Variants in SLC2A13 observed in about 807,000 individuals in gnomAD.
The protein encoded by SLC2A13 is proton myo-inositol cotransporter.
In SLC2A13, 32 loss-of-function variants were observed where a neutral mutation model predicts 64.4. The observed-to-expected ratio is 0.50, with a 90% CI of 0.37 to 0.67. SLC2A13 has a LOEUF of 0.67. Ranked by LOEUF, SLC2A13 falls within the 30% of genes least tolerant of loss-of-function variation. The pLI, the probability that SLC2A13 is intolerant of heterozygous loss-of-function variation, is 0.00. For synonymous variants in SLC2A13, 338 were observed against 327.1 expected, an observed-to-expected ratio of 1.03 and a Z score of -0.36; for missense variants, 743 against 829.2, an observed-to-expected ratio of 0.90 and a Z score of 1.28.
Position 39,759,889 on chromosome 12 carries a change from C to T in SLC2A13, c.*137G>A. 1.6e-6 allele frequency: 1 copy of T among 621,436 alleles called. No homozygotes were observed. Among genetic ancestry groups the T allele is most frequent in the East Asian group, 2.8e-5 (1 of 36,124 alleles). 38.5% of individuals were successfully genotyped at this position (621,436 alleles called of 1,614,324 possible). A position where few individuals can be genotyped will look rare whatever the true frequency, so the allele number is the denominator to read the frequency against. On this transcript the variant is annotated 3_prime_UTR_variant, in exon 10 of 10. Transcript: ENST00000280871. ...ATCATGGTTGTATCTTCCTCCTAAT[C>T]AAGTATTCTAGAATATGAAGTCAAT...
At chr12:39,985,123 G>T (rs1947005136) in intron 3 of SLC2A13, among the ~76,000 whole-genome samples, 1 of 152,016 alleles carries the variant, frequency 6.6e-6, no homozygotes, top group Admixed American at 6.6e-5. Flanking sequence ...TTCACAATCT[G>T]GAAAATTACA....
intron 1 of SLC2A13, among the ~76,000 whole-genome samples, chr12:40,092,470 T>C (rs1027490496): frequency 6.6e-6 from 1 of 152,212 alleles, no homozygotes; most frequent in Admixed American, 6.5e-5. Context: ...ATTATGGTAC[T>C]TATTTTTTAA....
chr12:40,099,836 ATAAATCCAATAC>A (rs937676883), intron 1 of SLC2A13, among the ~76,000 whole-genome samples: 1 of 152,156 alleles, frequency 6.6e-6, no homozygotes, highest in Non-Finnish European at 1.5e-5. Flanking sequence ...AGTAGGAAGC[ATAAATCCAATAC>A]AGAATTCCTG....
At chr12:40,085,434 C>T (rs997425283) in intron 1 of SLC2A13, among the ~76,000 whole-genome samples, 1 of 152,096 alleles carries the variant, frequency 6.6e-6, no homozygotes, top group African/African-American at 2.4e-5. Context: ...GTGCCCTCAA[C>T]CTGTGGAATC....
chr12:39,866,998 C>A (rs1203600518), intron 5 of SLC2A13, among the ~76,000 whole-genome samples: 1 of 152,106 alleles, frequency 6.6e-6, no homozygotes, highest in African/African-American at 2.4e-5. Context: ...AAAATTCAAA[C>A]CAGAACTAGG....
chr12:39,937,528 T>A (rs945284942), intron 4 of SLC2A13, among the ~76,000 whole-genome samples: 1 of 152,178 alleles, frequency 6.6e-6, no homozygotes, highest in Non-Finnish European at 1.5e-5. Flanking sequence ...CTATTTCAAC[T>A]CATTAACAGC....
intron 4 of SLC2A13, among the ~76,000 whole-genome samples, chr12:39,903,946 A>C (rs2136024122): frequency 6.6e-6 from 1 of 152,242 alleles, no homozygotes; most frequent in South Asian, 2.1e-4. Context: ...AAAGAACAAC[A>C]GACAGGATAC....
intron 7 of SLC2A13, among the ~76,000 whole-genome samples, chr12:39,777,732 G>A (rs1173569999): frequency 6.6e-6 from 1 of 152,228 alleles, no homozygotes; most frequent in African/African-American, 2.4e-5. Flanking sequence ...ACAGGCATCG[G>A]CATGCCAGCA....
intron 2 of SLC2A13, among the ~76,000 whole-genome samples, chr12:40,035,186 G>A (rs1947961710): frequency 6.6e-6 from 1 of 152,106 alleles, no homozygotes; most frequent in African/African-American, 2.4e-5. Context: ...TTTACTGAAA[G>A]ATCTCTATCC....
intron 9 of SLC2A13, among the ~76,000 whole-genome samples, chr12:39,760,901 A>G (rs1476623495): frequency 1.6e-5 from 2 of 126,264 alleles, no homozygotes; most frequent in Non-Finnish European, 3.5e-5. Context: ...GGACTTTTAA[A>G]ATAATTGAAT....
At chr12:39,827,406 T>C (rs141616743) in intron 7 of SLC2A13, among the ~76,000 whole-genome samples, 1,620 of 152,302 alleles carry the variant, frequency 0.011, 16 homozygotes, top group Middle Eastern at 0.044. Flanking sequence ...AGAACCTGGA[T>C]AGTGCTTTGT....
intron 4 of SLC2A13, among the ~76,000 whole-genome samples, chr12:39,877,397 C>T (rs1234210052): frequency 6.6e-6 from 1 of 152,084 alleles, no homozygotes; most frequent in Non-Finnish European, 1.5e-5. Flanking sequence ...GAATTGGAAC[C>T]CCCCCTCCAT....
chr12:39,788,441 A>G (rs1941266374), intron 7 of SLC2A13: 2 of 152,182 alleles, frequency 1.3e-5, no homozygotes, highest in South Asian at 4.1e-4. Context: ...GACAGCATGG[A>G]TATACTGGAC....
intron 4 of SLC2A13, among the ~76,000 whole-genome samples, chr12:39,901,937 C>G (rs1367313347): frequency 6.6e-6 from 1 of 152,068 alleles, no homozygotes; most frequent in Non-Finnish European, 1.5e-5. Context: ...GACTTGGAAC[C>G]AACCAAAATG....
rs1939954319 is a variant in SLC2A13 at position 39,755,703 on chromosome 12, A to C, written c.*4323T>G. 6.6e-6 allele frequency: 1 copy of C among 152,098 alleles called. No homozygotes were observed. The highest frequency in any genetic ancestry group is 6.6e-5 in the Admixed American group (1 of 15,234). 9.4% of individuals were successfully genotyped at this position (152,098 alleles called of 1,614,324 possible). A position where few individuals can be genotyped will look rare whatever the true frequency, so the allele number is the denominator to read the frequency against. On this transcript the variant is annotated 3_prime_UTR_variant, in exon 10 of 10. Transcript: ENST00000280871. ...ATGACAAAATCAAACACATGAACTT[A>C]ACTGTCTAAAATAAAAATGTGAATA...
At chr12:39,827,968 A>G (rs929935592) in intron 7 of SLC2A13, among the ~76,000 whole-genome samples, 23 of 152,120 alleles carry the variant, frequency 1.5e-4, no homozygotes, top group African/African-American at 5.3e-4. Flanking sequence ...TAGAGATAGT[A>G]TATCTCTAGA....
chr12:39,838,449 A>G (rs531122851), intron 6 of SLC2A13, among the ~76,000 whole-genome samples: 49 of 150,174 alleles, frequency 3.3e-4, no homozygotes, highest in Non-Finnish European at 6.9e-4. Context: ...TATGTAACTA[A>G]CCTGCACAAT....
intron 3 of SLC2A13, among the ~76,000 whole-genome samples, chr12:40,018,002 G>GAAAA (rs1947648313): frequency 1.4e-5 from 2 of 141,144 alleles, no homozygotes; most frequent in Non-Finnish European, 3.1e-5. Context: ...AAGAAAGAAA[G>GAAAA]AAAAAAGAAA....
At chr12:39,933,683 C>T (rs1945868873) in intron 4 of SLC2A13, among the ~76,000 whole-genome samples, 1 of 152,164 alleles carries the variant, frequency 6.6e-6, no homozygotes, top group South Asian at 2.1e-4. Flanking sequence ...GGAACCATAG[C>T]TTTAGTGCTA....
Sources: allele counts gnomAD v4.1 joint callset (sites outside exome capture counted in the v4.1 genomes callset), GRCh38; gene constraint gnomAD v4.1.1; transcripts MANE v1.5; gene names NCBI Gene and HGNC (gene_info 2026-07-23, HGNC 2026-07-21).